DOCK3: variants seen among roughly 807,000 people sequenced by gnomAD.
The protein encoded by DOCK3 is dedicator of cytokinesis 3, also known as dedicator of cytokinesis protein 3.
In DOCK3, 60 loss-of-function variants were observed where a neutral mutation model predicts 265.6. The ratio of observed to expected loss-of-function variants is 0.23; its 90% CI spans 0.18 to 0.28. The LOEUF is 0.28. Among genes scored for constraint, DOCK3 ranks in the 10% least tolerant of loss-of-function variants. DOCK3 has a pLI of 1.00. For missense variants in DOCK3, 1,981 were observed against 2,594.3 expected (o/e 0.76, Z 5.14); for synonymous variants, 881 against 938.0 (o/e 0.94, Z 1.11).
At chr3:50,833,116 G>A (rs994092871) in intron 2 of DOCK3, among the ~76,000 whole-genome samples, 5 of 152,132 alleles carry the variant, frequency 3.3e-5, no homozygotes, top group African/African-American at 9.7e-5. Context: ...ATCCCAATAT[G>A]TGCCCAGAAT....
At chr3:50,988,345 C>A (rs917307188) in intron 5 of DOCK3, among the ~76,000 whole-genome samples, 5 of 152,198 alleles carry the variant, frequency 3.3e-5, no homozygotes, top group African/African-American at 4.8e-5. Context: ...ACCACCCCCC[C>A]ACAACCCCTG....
chr3:51,028,340 C>T (rs2079904825), intron 5 of DOCK3, among the ~76,000 whole-genome samples: 2 of 151,956 alleles, frequency 1.3e-5, no homozygotes, highest in South Asian at 4.2e-4. Context: ...GCCCTTTTTT[C>T]TAGCTAGTTT....
At chr3:50,979,199 C>A (rs1042860571) in intron 5 of DOCK3, among the ~76,000 whole-genome samples, 1 of 152,176 alleles carries the variant, frequency 6.6e-6, no homozygotes, top group African/African-American at 2.4e-5. Flanking sequence ...TTTGTGTCTT[C>A]TTCAACTACT....
chr3:51,127,623 A>G (rs2084325743), intron 9 of DOCK3, among the ~76,000 whole-genome samples: 2 of 152,362 alleles, frequency 1.3e-5, no homozygotes, highest in South Asian at 4.1e-4. Flanking sequence ...TACATGCACA[A>G]GTGTTTTTAA....
intron 22 of DOCK3, among the ~76,000 whole-genome samples, chr3:51,248,761 C>T (rs1387620842): frequency 4.6e-5 from 7 of 151,528 alleles, no homozygotes; most frequent in South Asian, 2.1e-4. Flanking sequence ...CGCCTCTTCC[C>T]GGCCGCCATC....
intron 12 of DOCK3, among the ~76,000 whole-genome samples, chr3:51,200,915 A>C (rs1401692530): frequency 6.6e-6 from 1 of 152,162 alleles, no homozygotes; most frequent in Non-Finnish European, 1.5e-5. Flanking sequence ...TTTCATATGC[A>C]GCCAAACTAA....
chr3:51,147,955 C>G (rs2085384218), intron 10 of DOCK3, among the ~76,000 whole-genome samples: 1 of 152,202 alleles, frequency 6.6e-6, no homozygotes, highest in African/African-American at 2.4e-5. Flanking sequence ...ACACTCCCAT[C>G]AACAGTGTAA....
chr3:50,924,576 A>G (rs1241998263), intron 4 of DOCK3, among the ~76,000 whole-genome samples: 1 of 152,252 alleles, frequency 6.6e-6, no homozygotes, highest in Non-Finnish European at 1.5e-5. Context: ...AGCCAGGGAA[A>G]GTAAGTCCAA....
intron 12 of DOCK3, among the ~76,000 whole-genome samples, chr3:51,187,605 T>A (rs760726431): frequency 5.3e-5 from 8 of 152,146 alleles, no homozygotes; most frequent in Non-Finnish European, 7.4e-5. Flanking sequence ...AAATCTCATC[T>A]TGTAGCTCTC....
chr3:51,221,877 C>A (rs1181339689), intron 14 of DOCK3, among the ~76,000 whole-genome samples: 3 of 152,210 alleles, frequency 2.0e-5, no homozygotes, highest in Non-Finnish European at 4.4e-5. Context: ...AAAAGACTCA[C>A]CCTCTCAGCA....
chr3:50,877,860 GA>G (rs2047792659), intron 3 of DOCK3, among the ~76,000 whole-genome samples: 1 of 152,198 alleles, frequency 6.6e-6, no homozygotes, highest in Non-Finnish European at 1.5e-5. Flanking sequence ...ACCTAACTGG[GA>G]GACATCTCCC....
intron 5 of DOCK3, among the ~76,000 whole-genome samples, chr3:50,980,789 A>G (rs2077661590): frequency 6.6e-6 from 1 of 151,958 alleles, no homozygotes; most frequent in African/African-American, 2.4e-5. Context: ...TTGCTTTGGT[A>G]TCAGCTATAA....
intron 38 of DOCK3, among the ~76,000 whole-genome samples, chr3:51,341,810 A>G (rs779132380): frequency 6.6e-6 from 1 of 152,232 alleles, no homozygotes. Context: ...ACTGCCTCTT[A>G]CTGGTATGTG....
At chr3:50,790,888 A>G (rs956517352) in intron 2 of DOCK3, among the ~76,000 whole-genome samples, 2 of 151,986 alleles carry the variant, frequency 1.3e-5, no homozygotes, top group Non-Finnish European at 2.9e-5. Context: ...TTTTTTTCAT[A>G]TGCTTCTTGG....
intron 5 of DOCK3, among the ~76,000 whole-genome samples, chr3:51,029,399 T>G (rs887687636): frequency 6.6e-6 from 1 of 152,208 alleles, no homozygotes; most frequent in Non-Finnish European, 1.5e-5. Context: ...CAGCATGTGC[T>G]TGGCTTTCAG....
chr3:51,053,491 C>T (rs965486273), intron 5 of DOCK3, among the ~76,000 whole-genome samples: 1 of 149,296 alleles, frequency 6.7e-6, no homozygotes, highest in East Asian at 2.0e-4. Flanking sequence ...GGCATGATCT[C>T]GCTCCCTGCA....
chr3:50,716,413 A>G (rs1011282232), intron 1 of DOCK3, among the ~76,000 whole-genome samples: 2 of 152,072 alleles, frequency 1.3e-5, no homozygotes, highest in African/African-American at 2.4e-5. Context: ...CTGTAGTCCC[A>G]GTTACTTGGG....
chr3:51,309,251 G>A (rs1340534638), intron 27 of DOCK3, among the ~76,000 whole-genome samples: 1 of 152,210 alleles, frequency 6.6e-6, no homozygotes, highest in Non-Finnish European at 1.5e-5. Context: ...GGTAGAGGTT[G>A]TAGCAAGCCG....
chr3:50,900,471 A>G (rs1439815271), intron 4 of DOCK3, among the ~76,000 whole-genome samples: 2 of 152,114 alleles, frequency 1.3e-5, no homozygotes, highest in African/African-American at 4.8e-5. Flanking sequence ...TCTAAAGCCT[A>G]CTTCTGTCAA....
Sources: gnomAD v4.1 joint callset for allele counts (sites outside exome capture counted in the v4.1 genomes callset) on GRCh38, gnomAD v4.1.1 for gene constraint, MANE v1.5 for transcripts, NCBI Gene and HGNC (gene_info 2026-07-23, HGNC 2026-07-21) for gene names.